The following CLEC16A variants were observed in gnomAD, a reference collection of about 807,000 sequenced individuals.
CLEC16A encodes C-type lectin domain containing 16A, also known as protein CLEC16A.
Under a neutral mutation model 109.5 loss-of-function variants are expected in CLEC16A, and 51 were observed. That is an observed-to-expected ratio of 0.47 (90% confidence interval 0.37 to 0.59). The LOEUF (loss-of-function observed/expected upper bound fraction) is 0.59, where lower values mean the gene tolerates loss of function less well. Among genes scored for constraint, CLEC16A ranks in the 20% least tolerant of loss-of-function variants. The pLI, the probability that CLEC16A is intolerant of heterozygous loss-of-function variation, is 0.00. For synonymous variants in CLEC16A, 673 were observed against 564.2 expected (o/e 1.19, Z -2.73); for missense variants, 1,339 against 1,394.0 (o/e 0.96, Z 0.63).
intron 20 of CLEC16A, among the ~76,000 whole-genome samples, chr16:11,122,299 T>C (rs980763738): frequency 4.6e-5 from 7 of 152,222 alleles, no homozygotes; most frequent in African/African-American, 1.7e-4. Flanking sequence ...TATAGAAGAA[T>C]CTTTCATTTA....
intron 19 of CLEC16A, among the ~76,000 whole-genome samples, chr16:11,091,926 C>G (rs1043000628): frequency 6.6e-6 from 1 of 152,136 alleles, no homozygotes; most frequent in Admixed American, 6.5e-5. Flanking sequence ...TGTTCTGACA[C>G]CCTGGGACTG....
At position 10,977,339 on chromosome 16, in the gene CLEC16A, C is replaced by T. The variant is rs2043078278; in HGVS notation, c.843C>T (p.Asp281=). The change falls in exon 8 of 24, where the codon GAC becomes GAT. Residue 281 remains aspartate (D), a synonymous_variant. Coordinates refer to ENST00000409790, the MANE Select transcript of CLEC16A (RefSeq NM_015226.3). ...NCEFLNDVLT[D]HLLNRLFLPL... ...AGTTCCTCAACGATGTGCTCACTGA[C>T]CACCTGCTCAACAGGCTCTTCCTGC... 4 of 1,613,896 alleles carry T rather than the reference C, an allele frequency of 2.5e-6. No homozygotes were observed. The highest frequency in any genetic ancestry group is 3.4e-6 in the Non-Finnish European group (4 of 1,179,894).
At chr16:10,967,427 T>TCTCA (rs1159654024) in intron 3 of CLEC16A, among the ~76,000 whole-genome samples, 1 of 152,110 alleles carries the variant, frequency 6.6e-6, no homozygotes, top group East Asian at 1.9e-4. Context: ...TAGAGACAGG[T>TCTCA]CTCACCCTGT....
At chr16:11,032,930 G>A (rs1163349413) in intron 13 of CLEC16A, among the ~76,000 whole-genome samples, 1 of 152,132 alleles carries the variant, frequency 6.6e-6, no homozygotes, top group African/African-American at 2.4e-5. Flanking sequence ...ACAGTGATGT[G>A]GTCAGATGGA....
intron 16 of CLEC16A, 91 bp downstream of exon 16, chr16:11,044,163 G>A: frequency 9.0e-7 from 1 of 1,109,934 alleles, no homozygotes; most frequent in Non-Finnish European, 1.3e-6. Flanking sequence ...AACGTTATAT[G>A]TCTTCAGTTA....
At chr16:11,116,421 C>G (rs1371788165) in intron 19 of CLEC16A, among the ~76,000 whole-genome samples, 1 of 151,458 alleles carries the variant, frequency 6.6e-6, no homozygotes, top group Non-Finnish European at 1.5e-5. Context: ...AAAAAAGGTA[C>G]AAATTCAGTA....
At chr16:11,109,415 A>C (rs1372899911) in intron 19 of CLEC16A, among the ~76,000 whole-genome samples, 1 of 152,128 alleles carries the variant, frequency 6.6e-6, no homozygotes, top group East Asian at 1.9e-4. Flanking sequence ...TGGCCTCCCA[A>C]AGTAATGGGA....
chr16:11,004,501 A>T (rs1349645515), intron 11 of CLEC16A, among the ~76,000 whole-genome samples: 1 of 152,166 alleles, frequency 6.6e-6, no homozygotes, highest in Non-Finnish European at 1.5e-5. Flanking sequence ...CCTTGGGCTC[A>T]CAGTGGCTGC....
At chr16:11,018,053 A>G (rs1255150188) in intron 11 of CLEC16A, among the ~76,000 whole-genome samples, 2 of 151,646 alleles carry the variant, frequency 1.3e-5, no homozygotes, top group African/African-American at 4.9e-5. Flanking sequence ...CACGCCTATA[A>G]TCCCAGCACT....
chr16:11,174,036 C>T lies in CLEC16A; in HGVS notation c.2807-4299C>T, dbSNP rs978758986. ...CAAGCCCATGCTGGGCACTGCCCCA[C>T]GACCCTCGCCCCTCGTCAGTGCTCA... On this transcript the variant is annotated intron_variant, in intron 23 of 23. Transcript: ENST00000409790. This position sits in a 1 kb window ranked among gnomAD's most constrained non-coding sequence, Gnocchi z 4.7. 78 of 377,500 alleles carry T rather than the reference C, an allele frequency of 2.1e-4. 1 individual carries two copies. The highest frequency in any genetic ancestry group is 1.2e-3 in the South Asian group (61 of 52,542). 23.4% of individuals were successfully genotyped at this position (377,500 alleles called of 1,614,324 possible).
At chr16:11,009,027 G>A (rs1319469796) in intron 11 of CLEC16A, among the ~76,000 whole-genome samples, 1 of 152,012 alleles carries the variant, frequency 6.6e-6, no homozygotes, top group African/African-American at 2.4e-5. Context: ...CATTCACGTT[G>A]TATAACCATC....
chr16:11,008,814 C>T (rs921541161), intron 11 of CLEC16A, among the ~76,000 whole-genome samples: 2 of 142,736 alleles, frequency 1.4e-5, no homozygotes, highest in Non-Finnish European at 3.0e-5. Flanking sequence ...CACAGTGACA[C>T]CCCGTCTCTA....
In CLEC16A at chr16:11,062,373, T is replaced by C. The variant is rs1420967064; in HGVS notation, c.2116+1351T>C. 2.6e-5 allele frequency among the ~76,000 whole-genome samples: 4 copies of C among 152,202 alleles called. No homozygotes were observed. In the East Asian group the frequency reaches 7.7e-4, roughly 29 times the overall value. ...ATAATTCAATGAGTTTTGACAAAAC[T>C]ATAGAGTTGTGATCTAGACCCTGCT... On this transcript the variant is annotated intron_variant, in intron 19 of 23. Coordinates refer to ENST00000409790, the MANE Select transcript of CLEC16A (RefSeq NM_015226.3).
At chr16:11,048,605 G>T (rs2047760723) in intron 17 of CLEC16A, 1 of 152,192 alleles carries the variant, frequency 6.6e-6, no homozygotes, top group African/African-American at 2.4e-5. Context: ...CACGTCCTTT[G>T]TCACTGCATG....
At position 11,179,232 on chromosome 16, in the gene CLEC16A, T is replaced by G. The variant is rs1179739173; in HGVS notation, c.*542T>G. 1 of 152,528 alleles carries G rather than the reference T, an allele frequency of 6.6e-6. No individual in the cohort carries two copies. The highest frequency in any genetic ancestry group is 1.5e-5 in the Non-Finnish European group (1 of 68,288). 9.4% of individuals were successfully genotyped at this position (152,528 alleles called of 1,614,324 possible). ...CTAAGGTTTGATGTCATGTGAAAAG[T>G]GTAATAATAACAGTTAAGATTTCAT... On this transcript the variant is annotated 3_prime_UTR_variant, in exon 24 of 24. Transcript: ENST00000409790.
intron 12 of CLEC16A, 177 bp from the exon 13 acceptor site, chr16:11,024,644 C>T (rs910364766): frequency 2.2e-5 from 12 of 545,012 alleles, no homozygotes; most frequent in Non-Finnish European, 3.7e-5. Flanking sequence ...GCGGCTTCCG[C>T]AGGCAGAGCC....
chr16:11,018,734 G>T (rs1334439956), intron 11 of CLEC16A, among the ~76,000 whole-genome samples: 1 of 112,986 alleles, frequency 8.9e-6, no homozygotes, highest in Non-Finnish European at 1.7e-5. Flanking sequence ...GGGCGACAGA[G>T]CGAGACTCCA....
At chr16:11,071,691 A>G (rs1371220977) in intron 19 of CLEC16A, among the ~76,000 whole-genome samples, 3 of 145,002 alleles carry the variant, frequency 2.1e-5, no homozygotes, top group Admixed American at 7.0e-5. Context: ...GGCTGAAGTG[A>G]TCATCCCACC....
At chr16:11,009,644 G>T (rs1390298447) in intron 11 of CLEC16A, among the ~76,000 whole-genome samples, 1 of 152,188 alleles carries the variant, frequency 6.6e-6, no homozygotes. Flanking sequence ...GACATGACGG[G>T]CCATGCTGCC....
Sources: allele counts gnomAD v4.1 joint callset (sites outside exome capture counted in the v4.1 genomes callset), GRCh38; gene constraint gnomAD v4.1.1; non-coding constraint Gnocchi (gnomAD v3.1); transcripts MANE v1.5; gene names NCBI Gene and HGNC (gene_info 2026-07-23, HGNC 2026-07-21).